The following ABR variants were observed in gnomAD, a reference collection of about 807,000 sequenced individuals.
The protein encoded by ABR is active breakpoint cluster region-related protein.
In ABR, 35 loss-of-function variants were observed where a neutral mutation model predicts 107.2. That is an observed-to-expected ratio of 0.33 (90% CI 0.25 to 0.43). The LOEUF is 0.43. ABR is among the 20% of genes least tolerant of loss of function. The pLI, the probability that ABR is intolerant of heterozygous loss-of-function variation, is 1.00. For synonymous variants in ABR, 498 were observed against 462.0 expected (o/e 1.08, Z -1.00); for missense variants, 815 against 1,115.2 (o/e 0.73, Z 3.83).
chr17:1,175,356 G>A (rs2041882623), intron 1 of ABR, among the ~76,000 whole-genome samples: 1 of 152,152 alleles, frequency 6.6e-6, no homozygotes, highest in Admixed American at 6.5e-5. Flanking sequence ...AGGTTGCAGT[G>A]AGCCGAGATC....
intron 1 of ABR, among the ~76,000 whole-genome samples, chr17:1,196,780 C>A (rs368705584): frequency 1.3e-5 from 2 of 151,956 alleles, no homozygotes; most frequent in South Asian, 2.1e-4. Context: ...CCGCAAGCTC[C>A]GCCTCCCGGG....
At chr17:1,138,561 T>C (rs1358839268) in intron 1 of ABR, among the ~76,000 whole-genome samples, 1 of 152,154 alleles carries the variant, frequency 6.6e-6, no homozygotes, top group African/African-American at 2.4e-5. Context: ...CATTGCAGCC[T>C]CAAACTCCTG....
chr17:1,120,068 G>A (rs763367505), intron 2 of ABR, among the ~76,000 whole-genome samples: 17 of 151,934 alleles, frequency 1.1e-4, no homozygotes, highest in Non-Finnish European at 2.5e-4. Context: ...CTAATCTTAG[G>A]CAAATTACGT....
intron 1 of ABR, among the ~76,000 whole-genome samples, chr17:1,133,958 G>A (rs1395724487): frequency 2.0e-5 from 3 of 152,200 alleles, no homozygotes; most frequent in Non-Finnish European, 4.4e-5. Flanking sequence ...AGTTACGGTG[G>A]CTTTACTGCT....
At chr17:1,040,449 GA>G (rs1217509266) in intron 16 of ABR, among the ~76,000 whole-genome samples, 1 of 152,260 alleles carries the variant, frequency 6.6e-6, no homozygotes, top group East Asian at 1.9e-4. Flanking sequence ...TCATGGCAGG[GA>G]AACCTCGGGC....
chr17:1,015,685 C>T (rs1400226634), intron 16 of ABR, among the ~76,000 whole-genome samples: 2 of 151,866 alleles, frequency 1.3e-5, no homozygotes, highest in Admixed American at 6.6e-5. Flanking sequence ...CTCGAACTCC[C>T]GACCTCAGGT....
intron 16 of ABR, among the ~76,000 whole-genome samples, chr17:1,018,220 T>TTTG (rs1332055081): frequency 6.6e-6 from 1 of 151,852 alleles, no homozygotes; most frequent in Non-Finnish European, 1.5e-5. Context: ...TTTTTTGTAT[T>TTTG]TTTAGTAGAG....
intron 4 of ABR, among the ~76,000 whole-genome samples, chr17:1,088,485 A>C (rs371305836): frequency 7.4e-6 from 1 of 135,918 alleles, no homozygotes; most frequent in Non-Finnish European, 1.6e-5. Flanking sequence ...AATAATAATA[A>C]TAATAATAAT....
chr17:1,173,715 G>A (rs374200019), intron 1 of ABR, among the ~76,000 whole-genome samples: 14 of 152,186 alleles, frequency 9.2e-5, no homozygotes, highest in African/African-American at 3.4e-4. Context: ...TTTCCCACCC[G>A]TACTCAGACA....
At chr17:1,072,973 A>G (rs1270384126) in intron 7 of ABR, among the ~76,000 whole-genome samples, 2 of 152,126 alleles carry the variant, frequency 1.3e-5, no homozygotes, top group African/African-American at 2.4e-5. Flanking sequence ...TGAGGTCAGA[A>G]GTTCGAGACC....
chr17:1,160,047 C>A (rs915543183), intron 1 of ABR, among the ~76,000 whole-genome samples: 2 of 152,158 alleles, frequency 1.3e-5, no homozygotes, highest in African/African-American at 4.8e-5. Context: ...GAGGGACCCA[C>A]AGCAGGCCCT....
intron 1 of ABR, among the ~76,000 whole-genome samples, chr17:1,161,054 C>G (rs189438099): frequency 1.2e-4 from 19 of 152,278 alleles, no homozygotes; most frequent in African/African-American, 4.6e-4. Context: ...TCCAAGGACA[C>G]CATCCCTTCT....
rs571345280 is a variant in ABR at position 1,150,430 on chromosome 17, A to G, written c.62-25063T>C. Among the ~76,000 whole-genome samples the G allele has an allele frequency of 1.3e-5, 2 of 152,280 alleles. No homozygotes were observed. The highest frequency in any genetic ancestry group is 2.4e-5 in the African/African-American group (1 of 41,558). On this transcript the variant is annotated intron_variant, in intron 1 of 22. Coordinates refer to ENST00000302538, the MANE Select transcript of ABR (RefSeq NM_021962.5). This position sits in a 1 kb window ranked among gnomAD's most constrained non-coding sequence, Gnocchi z 4.8. ...ATGATTCCACTCTGAAGAGGTGCTC[A>G]GAGCAGTCAGATTCGTCCAGACACA...
In ABR at chr17:1,011,852, C is replaced by T. The variant is rs750354403; in HGVS notation, c.2095G>A (p.Asp699Asn). ...TDIQALKAVF[D>N]ANNKDILLML... ...CTGGGCCTCCCAGACTCACTGGCAT[C>T]GAAGACGGCCTTGAGCGCCTGGATG... Residue 699 changes from aspartate to asparagine, a missense_variant, in exon 19 of 23, where the codon GAT (aspartate) becomes AAT (asparagine). Asp to Asn is a conservative substitution (Grantham distance 23, BLOSUM62 1). Coordinates refer to ENST00000302538, the MANE Select transcript of ABR (RefSeq NM_021962.5). This position sits in a 1 kb window ranked among gnomAD's most constrained non-coding sequence, Gnocchi z 4.8. 3.4e-5 allele frequency: 54 copies of T among 1,574,008 alleles called. No homozygotes were observed. Among genetic ancestry groups the T allele is most frequent in the East Asian group, 9.1e-5 (4 of 44,142 alleles).
In ABR at chr17:1,087,945, T is replaced by A. The variant is rs981234038; in HGVS notation, c.531+3720A>T. Among the ~76,000 whole-genome samples, 18 of 152,314 alleles carry A rather than the reference T, an allele frequency of 1.2e-4. 1 individual carries two copies. The highest frequency in any genetic ancestry group is 7.8e-4 in the Admixed American group (12 of 15,302). On this transcript the variant is annotated intron_variant, in intron 4 of 22. Transcript: ENST00000302538. ...CATTAACTGGGAAGTGCAGGTTGCCTGGAAACAGCAGCCTGGCACTGGAGT... is the reference window on the plus strand; with the variant it reads ...CATTAACTGGGAAGTGCAGGTTGCCAGGAAACAGCAGCCTGGCACTGGAGT...
chr17:1,021,019 C>T (rs767838066), intron 16 of ABR, among the ~76,000 whole-genome samples: 36 of 152,272 alleles, frequency 2.4e-4, no homozygotes, highest in Admixed American at 7.8e-4. Context: ...GCACGCAGCT[C>T]GCCCCAAGGT....
chr17:1,215,837 ATCT>A (rs1174925093), intron 1 of ABR, among the ~76,000 whole-genome samples: 1 of 151,992 alleles, frequency 6.6e-6, no homozygotes, highest in East Asian at 1.9e-4. Flanking sequence ...CTGGGAGAAA[ATCT>A]TCTGCCTTGG....
intron 2 of ABR, among the ~76,000 whole-genome samples, chr17:1,102,107 C>T (rs186665684): frequency 9.2e-5 from 14 of 152,258 alleles, no homozygotes; most frequent in Admixed American, 7.2e-4. Context: ...CTTTATGAGC[C>T]ACCTGCAGTG....
intron 12 of ABR, chr17:1,057,719 T>TAG (rs1358411067): frequency 6.8e-6 from 3 of 438,752 alleles, no homozygotes; most frequent in African/African-American, 2.1e-5. Flanking sequence ...GAGAGAGAGG[T>TAG]AGAGAGAGAG....
Sources: gnomAD v4.1 joint callset for allele counts (sites outside exome capture counted in the v4.1 genomes callset) on GRCh38, gnomAD v4.1.1 for gene constraint, Gnocchi (gnomAD v3.1) non-coding constraint, MANE v1.5 for transcripts, NCBI Gene and HGNC (gene_info 2026-07-23, HGNC 2026-07-21) for gene names.